RNF122: variants seen among roughly 807,000 people sequenced by gnomAD.
The protein encoded by RNF122 is ring finger protein 122.
In RNF122, 17 loss-of-function variants were observed where a neutral mutation model predicts 24.2. The ratio of observed to expected loss-of-function variants is 0.70; its 90% confidence interval spans 0.48 to 1.06. RNF122 has a LOEUF of 1.06. Among genes scored for constraint, RNF122 ranks in the 50% least tolerant of loss-of-function variants. The pLI is 0.00. For missense variants in RNF122, 168 were observed against 198.1 expected, an observed-to-expected ratio of 0.85 and a Z score of 0.91; for synonymous variants, 65 against 71.8, an observed-to-expected ratio of 0.91 and a Z score of 0.48.
At chr8:33,560,877 G>C (rs558332141) in intron 1 of RNF122, among the ~76,000 whole-genome samples, 1 of 152,134 alleles carries the variant, frequency 6.6e-6, no homozygotes, top group Admixed American at 6.6e-5. Flanking sequence ...TTGCAAGTGA[G>C]CTGACATCGT....
At chr8:33,551,149 A>T (rs1810368577) in intron 3 of RNF122, 64 bp from the exon 4 acceptor site, 1 of 1,581,724 alleles carries the variant, frequency 6.3e-7, no homozygotes, top group Non-Finnish European at 8.7e-7. Flanking sequence ...GCCAGGTAGT[A>T]TCAACCAATG....
intron 1 of RNF122, among the ~76,000 whole-genome samples, chr8:33,562,971 G>A (rs1810563615): frequency 6.6e-6 from 1 of 151,672 alleles, no homozygotes; most frequent in Non-Finnish European, 1.5e-5. Context: ...CACACCTGTA[G>A]TCCCAGTTAC....
chr8:33,561,600 T>C (rs1443449539), intron 1 of RNF122, among the ~76,000 whole-genome samples: 1 of 151,996 alleles, frequency 6.6e-6, no homozygotes, highest in East Asian at 1.9e-4. Flanking sequence ...TAGAGTGCAG[T>C]GGCACTATCT....
In RNF122 at chr8:33,548,356, G is replaced by C. The variant is rs558245136; in HGVS notation, c.*397C>G. On this transcript the variant is annotated 3_prime_UTR_variant, in exon 6 of 6. Coordinates refer to ENST00000256257, the MANE Select transcript of RNF122 (RefSeq NM_024787.3). ...TGGGAAGGGGAGGGAAGGTTGTAGA[G>C]AGGTAAGAGCCCGTCTCATCCCTTC... is the stretch of plus-strand genomic sequence containing the variant. The C allele has an allele frequency of 6.3e-6, 1 of 157,722 alleles. No homozygotes were observed. Among genetic ancestry groups the C allele is most frequent in the Non-Finnish European group, 1.4e-5 (1 of 71,628 alleles). The allele number at this position is 157,722 out of a possible 1,614,324, so 9.8% of individuals were successfully genotyped here.
intron 1 of RNF122, among the ~76,000 whole-genome samples, chr8:33,562,149 A>G (rs1260326189): frequency 6.6e-6 from 1 of 152,100 alleles, no homozygotes. Context: ...TTCGGCCCCT[A>G]CTTACTCAGT....
intron 1 of RNF122, among the ~76,000 whole-genome samples, chr8:33,560,553 C>CTT (rs796310469): frequency 2.7e-5 from 4 of 145,682 alleles, no homozygotes; most frequent in African/African-American, 1.0e-4. Flanking sequence ...TCTTTTTTTC[C>CTT]TTTTTTTTTT....
chr8:33,565,361 G>A (rs1262809631), intron 1 of RNF122, among the ~76,000 whole-genome samples: 1 of 144,672 alleles, frequency 6.9e-6, no homozygotes, highest in African/African-American at 2.6e-5. Flanking sequence ...AGATCTGGCA[G>A]GAGTCTACTC....
At chr8:33,551,755 G>A (rs1480689609) in intron 2 of RNF122, among the ~76,000 whole-genome samples, 2 of 152,182 alleles carry the variant, frequency 1.3e-5, no homozygotes, top group African/African-American at 4.8e-5. Context: ...AAGTTAGACA[G>A]ATATGCATAA....
chr8:33,559,108 C>T (rs868036431), intron 1 of RNF122, among the ~76,000 whole-genome samples: 3 of 151,868 alleles, frequency 2.0e-5, no homozygotes, highest in African/African-American at 7.3e-5. Context: ...TCAAGAACAG[C>T]CTGGCCAACA....
chr8:33,551,345 T>A lies in RNF122; in HGVS notation c.227A>T (p.Glu76Val). The change falls in exon 3 of 6, where the codon GAG becomes GTG. Residue 76 changes from glutamate (E) to valine (V), a missense_variant and splice_region_variant. By Grantham distance (121) the Glu-to-Val change is moderately radical. Transcript: ENST00000256257. ...TCTGGGAAACACGCAGCACTTTACC[T>A]CCTTATATCCGTATCGCTCACTCTG... ...QAQSERYGYK[E>V]VVLKGDAKKL... The A allele has an allele frequency of 6.2e-7, 1 of 1,614,110 alleles. No homozygotes were observed. The highest frequency in any genetic ancestry group is 1.1e-5 in the South Asian group (1 of 91,070).
intron 1 of RNF122, among the ~76,000 whole-genome samples, chr8:33,562,150 C>G (rs191339799): frequency 6.6e-6 from 1 of 152,146 alleles, no homozygotes; most frequent in Non-Finnish European, 1.5e-5. Flanking sequence ...TCGGCCCCTA[C>G]TTACTCAGTT....
At chr8:33,566,374 A>G (rs925808829) in intron 1 of RNF122, among the ~76,000 whole-genome samples, 2 of 152,146 alleles carry the variant, frequency 1.3e-5, no homozygotes, top group Non-Finnish European at 2.9e-5. Context: ...AACCACAACA[A>G]AGAACAGAGT....
At chr8:33,551,181 TG>T in intron 3 of RNF122, 96 bp from the exon 4 acceptor site, 1 of 1,515,430 alleles carries the variant, frequency 6.6e-7, no homozygotes, top group Non-Finnish European at 9.2e-7. Flanking sequence ...CTGGACTGCC[TG>T]GGGCAAGCCG....
chr8:33,558,537 C>G, intron 2 of RNF122, 78 bp downstream of exon 2: 1 of 1,284,928 alleles, frequency 7.8e-7, no homozygotes, highest in Non-Finnish European at 1.1e-6. Flanking sequence ...CTGTGGGACC[C>G]TCGCTCAGCT....
intron 1 of RNF122, 76 bp downstream of exon 1, chr8:33,566,620 CGCT>C: frequency 7.0e-7 from 1 of 1,435,228 alleles, no homozygotes; most frequent in Non-Finnish European, 9.6e-7. Context: ...AGGACCAGCG[CGCT>C]GCTGTCCGAC....
At chr8:33,560,178 C>G (rs1244102411) in intron 1 of RNF122, among the ~76,000 whole-genome samples, 2 of 151,970 alleles carry the variant, frequency 1.3e-5, no homozygotes, top group Admixed American at 1.3e-4. Flanking sequence ...AGGTGATTCC[C>G]CTGCACATTC....
intron 5 of RNF122, 52 bp from the exon 6 acceptor site, chr8:33,548,919 C>CA (rs752837484): frequency 1.6e-6 from 2 of 1,247,436 alleles, no homozygotes; most frequent in Non-Finnish European, 2.4e-6. Context: ...CACGCTGCTC[C>CA]AGTTGTCTCT....
At chr8:33,552,699 C>T (rs1218878123) in intron 2 of RNF122, among the ~76,000 whole-genome samples, 2 of 151,960 alleles carry the variant, frequency 1.3e-5, no homozygotes, top group African/African-American at 2.4e-5. Flanking sequence ...GATTTTTTGC[C>T]GTATTATTTT....
chr8:33,559,840 GTTTTTT>G (rs34393992), intron 1 of RNF122, among the ~76,000 whole-genome samples: 4 of 131,452 alleles, frequency 3.0e-5, no homozygotes, highest in Non-Finnish European at 6.4e-5. Flanking sequence ...GACCTACGCT[GTTTTTT>G]TTTTTTTTTT....
Sources: allele counts gnomAD v4.1 joint callset (sites outside exome capture counted in the v4.1 genomes callset), GRCh38; gene constraint gnomAD v4.1.1; transcripts MANE v1.5; gene names NCBI Gene and HGNC (gene_info 2026-07-23, HGNC 2026-07-21).